The following ARF4 variants were observed in gnomAD, a reference collection of about 807,000 sequenced individuals.
ARF4 encodes the protein ADP-ribosylation factor 4.
Under a neutral mutation model 24.3 loss-of-function variants are expected in ARF4, and 5 were observed. The observed-to-expected ratio is 0.21, with a 90% CI of 0.11 to 0.43. The LOEUF is 0.43. Among genes scored for constraint, ARF4 ranks in the 20% least tolerant of loss-of-function variants. The pLI, the probability that ARF4 is intolerant of heterozygous loss-of-function variation, is 1.00. For missense variants in ARF4, 107 were observed against 213.0 expected, an observed-to-expected ratio of 0.50 and a Z score of 3.10; for synonymous variants, 62 against 73.5, an observed-to-expected ratio of 0.84 and a Z score of 0.80.
At chr3:57,587,080 A>G (rs1260392929) in intron 1 of ARF4, among the ~76,000 whole-genome samples, 2 of 152,074 alleles carry the variant, frequency 1.3e-5, no homozygotes, top group African/African-American at 4.8e-5. Flanking sequence ...GTACTTTGGG[A>G]GGCTGAGGTG....
chr3:57,587,540 A>T (rs1196206858), intron 1 of ARF4, among the ~76,000 whole-genome samples: 1 of 151,848 alleles, frequency 6.6e-6, no homozygotes, highest in Non-Finnish European at 1.5e-5. Context: ...TTACCCAAAA[A>T]TCATGTATTA....
At chr3:57,593,410 A>G (rs1282550759) in intron 1 of ARF4, among the ~76,000 whole-genome samples, 1 of 152,196 alleles carries the variant, frequency 6.6e-6, no homozygotes, top group Non-Finnish European at 1.5e-5. Context: ...AACAAATATA[A>G]AACACCACTC....
chr3:57,594,446 C>T (rs2070157249), intron 1 of ARF4, among the ~76,000 whole-genome samples: 1 of 152,092 alleles, frequency 6.6e-6, no homozygotes. Flanking sequence ...GCATAACTTA[C>T]CCTTATAACT....
At chr3:57,587,700 A>C (rs1458609247) in intron 1 of ARF4, among the ~76,000 whole-genome samples, 1 of 152,126 alleles carries the variant, frequency 6.6e-6, no homozygotes, top group Non-Finnish European at 1.5e-5. Flanking sequence ...ACTTTTTTAA[A>C]AAGGGAAGTG....
At chr3:57,587,574 T>C (rs936053079) in intron 1 of ARF4, among the ~76,000 whole-genome samples, 11 of 152,020 alleles carry the variant, frequency 7.2e-5, no homozygotes, top group African/African-American at 2.4e-4. Flanking sequence ...AGAAAAAAAA[T>C]TGTCCAAGCA....
intron 4 of ARF4, 37 bp downstream of exon 4, chr3:57,577,279 C>A: frequency 1.9e-6 from 3 of 1,552,290 alleles, no homozygotes; most frequent in Non-Finnish European, 2.7e-6. Context: ...CAGAAAAGCA[C>A]ACCTTGAAAA....
At chr3:57,574,977 G>T (rs1432043932) in intron 5 of ARF4, among the ~76,000 whole-genome samples, 1 of 152,038 alleles carries the variant, frequency 6.6e-6, no homozygotes, top group East Asian at 1.9e-4. Flanking sequence ...GCCTTCCTGA[G>T]TAGCTGGGAT....
chr3:57,575,455 A>G, intron 5 of ARF4, 93 bp downstream of exon 5: 1 of 1,258,508 alleles, frequency 7.9e-7, no homozygotes. Context: ...TGTCCAAAGG[A>G]GATAATAAAT....
intron 3 of ARF4, among the ~76,000 whole-genome samples, chr3:57,580,291 A>C (rs1213971123): frequency 6.6e-6 from 1 of 152,146 alleles, no homozygotes; most frequent in African/African-American, 2.4e-5. Context: ...AGAGATATAA[A>C]AGATCATTGT....
chr3:57,589,821 G>A (rs1034858864), intron 1 of ARF4, among the ~76,000 whole-genome samples: 2 of 151,104 alleles, frequency 1.3e-5, no homozygotes, highest in Non-Finnish European at 2.9e-5. Flanking sequence ...AGCCGGGCAC[G>A]GTGGCTCACA....
chr3:57,573,845 G>A (rs183888401), intron 5 of ARF4, among the ~76,000 whole-genome samples: 7 of 152,316 alleles, frequency 4.6e-5, no homozygotes, highest in Non-Finnish European at 1.5e-5. Context: ...GCCTCCCAAA[G>A]TGCTGGGATT....
intron 1 of ARF4, among the ~76,000 whole-genome samples, chr3:57,585,392 A>G (rs1244403811): frequency 6.6e-6 from 1 of 152,162 alleles, no homozygotes; most frequent in Non-Finnish European, 1.5e-5. Context: ...TTATAATGAT[A>G]ATAAAGGAAG....
intron 2 of ARF4, 70 bp downstream of exon 2, chr3:57,584,311 ATCT>A: frequency 7.8e-7 from 1 of 1,280,144 alleles, no homozygotes; most frequent in Non-Finnish European, 1.1e-6. Flanking sequence ...CAAAAAGACA[ATCT>A]CAAAACTAGA....
At chr3:57,573,859 G>A (rs1559782100) in intron 5 of ARF4, among the ~76,000 whole-genome samples, 1 of 152,218 alleles carries the variant, frequency 6.6e-6, no homozygotes, top group Non-Finnish European at 1.5e-5. Flanking sequence ...TGGGATTACA[G>A]GTGTGAGCCA....
intron 3 of ARF4, among the ~76,000 whole-genome samples, chr3:57,579,600 A>G (rs2069946973): frequency 6.6e-6 from 1 of 151,680 alleles, no homozygotes; most frequent in Non-Finnish European, 1.5e-5. Flanking sequence ...ATCCTACATC[A>G]TTTTCTGTTT....
Position 57,573,747 on chromosome 3 carries a change from A to G in ARF4, c.457-1449T>C, listed in dbSNP as rs577682049. On this transcript the variant is annotated intron_variant, in intron 5 of 5. Coordinates refer to ENST00000303436, the MANE Select transcript of ARF4 (RefSeq NM_001660.4). Reference sequence around the variant, plus strand: ...CACACATGCACCACCACGACCAGCTAATTTTTGTAATTTTAGTAGAGACAG... The same window carrying G: ...CACACATGCACCACCACGACCAGCTGATTTTTGTAATTTTAGTAGAGACAG... 2.4e-4 allele frequency among the ~76,000 whole-genome samples: 36 copies of G among 151,908 alleles called. 1 individual carries two copies. The South Asian group carries it at 7.5e-3, about 32-fold the overall frequency.
chr3:57,585,859 A>G (rs2070030284), intron 1 of ARF4, among the ~76,000 whole-genome samples: 2 of 151,988 alleles, frequency 1.3e-5, no homozygotes, highest in Non-Finnish European at 2.9e-5. Context: ...ACGGGGTTTC[A>G]CCATGTTGGC....
chr3:57,571,433 A>G lies in ARF4; in HGVS notation c.*779T>C, dbSNP rs6906. On this transcript the variant is annotated 3_prime_UTR_variant, in exon 6 of 6. Transcript: ENST00000303436. ...GAAGAAAATGTATTCATCGAATTTGATGAGTTTTCCAAAAACTCTTAATGA... is the reference window on the plus strand; with the variant it reads ...GAAGAAAATGTATTCATCGAATTTGGTGAGTTTTCCAAAAACTCTTAATGA... The G allele has an allele frequency of 0.25, 38,314 of 152,546 alleles. 6,912 individuals carry two copies. The highest frequency in any genetic ancestry group is 0.5 in the African/African-American group (20,857 of 41,458). 9.4% of individuals were successfully genotyped at this position (152,546 alleles called of 1,614,324 possible).
chr3:57,595,428 A>C (rs1209131657), intron 1 of ARF4, among the ~76,000 whole-genome samples: 2 of 152,192 alleles, frequency 1.3e-5, no homozygotes. Context: ...CTGAAAACTT[A>C]AATATGCTTG....
Sources: gnomAD v4.1 joint callset for allele counts (sites outside exome capture counted in the v4.1 genomes callset) on GRCh38, gnomAD v4.1.1 for gene constraint, MANE v1.5 for transcripts, NCBI Gene and HGNC (gene_info 2026-07-23, HGNC 2026-07-21) for gene names.